The following OTULINL variants were observed in gnomAD, a reference collection of about 807,000 sequenced individuals.
The protein encoded by OTULINL is inactive ubiquitin thioesterase OTULINL.
In OTULINL, 42 loss-of-function variants were observed where a neutral mutation model predicts 43.9. The ratio of observed to expected loss-of-function variants is 0.96; its 90% CI spans 0.75 to 1.24. The LOEUF (loss-of-function observed/expected upper bound fraction) is 1.24. Ranked by LOEUF, OTULINL falls within the 50% of genes most tolerant of loss-of-function variation. The probability of loss-of-function intolerance (pLI) is 0.00; values close to 1 mark genes in which losing one functional copy is unlikely to be tolerated. For missense variants in OTULINL, 411 were observed against 426.4 expected (o/e 0.96, Z 0.32); for synonymous variants, 172 against 153.6 (o/e 1.12, Z -0.88).
intron 1 of OTULINL, among the ~76,000 whole-genome samples, chr5:14,591,318 T>A (rs7705408): frequency 1.3e-5 from 2 of 152,210 alleles, no homozygotes; most frequent in African/African-American, 4.8e-5. Context: ...ATTAAAAATA[T>A]ATTTTTCTAA....
At chr5:14,591,477 T>C (rs1759200765) in intron 1 of OTULINL, among the ~76,000 whole-genome samples, 1 of 152,120 alleles carries the variant, frequency 6.6e-6, no homozygotes, top group Non-Finnish European at 1.5e-5. Flanking sequence ...CGGGCAGGTC[T>C]GTGGGGTGAA....
intron 5 of OTULINL, among the ~76,000 whole-genome samples, chr5:14,606,585 A>C (rs1462083039): frequency 6.6e-6 from 1 of 152,182 alleles, no homozygotes; most frequent in Non-Finnish European, 1.5e-5. Context: ...GTATGTTACA[A>C]TGGAGGATGA....
intron 1 of OTULINL, among the ~76,000 whole-genome samples, chr5:14,585,055 T>C (rs1472622072): frequency 6.6e-6 from 1 of 152,150 alleles, no homozygotes; most frequent in Admixed American, 6.5e-5. Context: ...CCGCATGCAC[T>C]GCCAAAAGTG....
Position 14,581,939 on chromosome 5 carries a change from G to T in OTULINL, c.45G>T (p.Arg15=). The change falls in exon 1 of 8, where the codon CGG becomes CGT. Residue 15 remains arginine (R), a synonymous_variant. Coordinates refer to ENST00000274217, the MANE Select transcript of OTULINL (RefSeq NM_019018.3). ...RSPTRARERE[R]SGAPAAGSDQ... ...CCACGCGGGCAAGGGAGCGGGAGCGGTCTGGCGCTCCCGCCGCAGGTGAGC... is the reference window on the plus strand; with the variant it reads ...CCACGCGGGCAAGGGAGCGGGAGCGTTCTGGCGCTCCCGCCGCAGGTGAGC... 3 of 1,374,064 alleles carry T rather than the reference G, an allele frequency of 2.2e-6. No homozygotes were observed. The highest frequency in any genetic ancestry group is 2.8e-6 in the Non-Finnish European group (3 of 1,064,594). The allele number at this position is 1,374,064 out of a possible 1,614,324, so 85.1% of individuals were successfully genotyped here.
At chr5:14,590,962 C>T (rs1430438606) in intron 1 of OTULINL, among the ~76,000 whole-genome samples, 2 of 152,096 alleles carry the variant, frequency 1.3e-5, no homozygotes, top group African/African-American at 4.8e-5. Flanking sequence ...ATGATACATC[C>T]ATCGAATGTT....
chr5:14,593,423 T>G (rs1209126478), intron 1 of OTULINL, among the ~76,000 whole-genome samples: 1 of 152,216 alleles, frequency 6.6e-6, no homozygotes, highest in Non-Finnish European at 1.5e-5. Flanking sequence ...TGATTAGTCC[T>G]CTAGCTAGAA....
chr5:14,597,292 C>T (rs1386951768), intron 1 of OTULINL, among the ~76,000 whole-genome samples: 2 of 152,266 alleles, frequency 1.3e-5, no homozygotes, highest in Admixed American at 6.5e-5. Context: ...TGTTGTGATG[C>T]AGTGATGATA....
rs1759085852 is a variant in OTULINL, at chr5:14,585,203, ACTAGCAG to A, written c.64+3248_64+3254del. 2.0e-5 allele frequency among the ~76,000 whole-genome samples: 3 copies of A among 150,808 alleles called. No homozygotes were observed. In the South Asian group the frequency reaches 6.3e-4, roughly 31 times the overall value. Reference sequence around the variant, plus strand: ...AGAGGCCTGAGAGCTGCTAGTTACAACTAGCAGCTGCTAGTTGTAACTGTCGAGAGAA... The same window carrying A: ...AGAGGCCTGAGAGCTGCTAGTTACAACTGCTAGTTGTAACTGTCGAGAGAA... On this transcript the variant is annotated intron_variant, in intron 1 of 7. Coordinates refer to ENST00000274217, the MANE Select transcript of OTULINL (RefSeq NM_019018.3).
intron 1 of OTULINL, 71 bp downstream of exon 1, chr5:14,582,029 G>A: frequency 9.0e-7 from 1 of 1,106,598 alleles, no homozygotes; most frequent in Non-Finnish European, 1.1e-6. Flanking sequence ...GGGGTCGCAG[G>A]CAGCCAGGGA....
At chr5:14,610,035 C>T in intron 7 of OTULINL, 106 bp from the exon 8 acceptor site, 1 of 964,316 alleles carries the variant, frequency 1.0e-6, no homozygotes. Flanking sequence ...GGTCTGTCAA[C>T]AAGCAGATTA....
At chr5:14,605,114 A>T (rs1759451596) in intron 5 of OTULINL, among the ~76,000 whole-genome samples, 1 of 152,176 alleles carries the variant, frequency 6.6e-6, no homozygotes, top group East Asian at 1.9e-4. Flanking sequence ...CTGCCTGGAC[A>T]TCAAGGCATT....
At chr5:14,604,107 G>GATACTCCC (rs1759433498) in intron 5 of OTULINL, among the ~76,000 whole-genome samples, 2 of 152,130 alleles carry the variant, frequency 1.3e-5, no homozygotes, top group African/African-American at 2.4e-5. Context: ...CAAGTTGGGA[G>GATACTCCC]TATCTCTGGA....
chr5:14,614,726 G>C lies in OTULINL; in HGVS notation c.*4412G>C, dbSNP rs552338510. 2.5e-6 allele frequency: 1 copy of C among 398,676 alleles called. No individual in the cohort carries two copies. The highest frequency in any genetic ancestry group is 4.4e-5 in the Admixed American group (1 of 22,730). The allele number at this position is 398,676 out of a possible 1,614,324, so 24.7% of individuals were successfully genotyped here. On this transcript the variant is annotated 3_prime_UTR_variant, in exon 8 of 8. Transcript: ENST00000274217. ...TTGGAGGAGACTCAAGCTCCATGTG[G>C]GAACAGTGTGGCCCAAGAGCCAGCA...
At chr5:14,598,409 G>A (rs1400177639) in intron 1 of OTULINL, among the ~76,000 whole-genome samples, 1 of 152,218 alleles carries the variant, frequency 6.6e-6, no homozygotes, top group East Asian at 1.9e-4. Flanking sequence ...AGGTGCTCTC[G>A]TGTATGTGAT....
chr5:14,607,834 G>A (rs1032779306), intron 6 of OTULINL, among the ~76,000 whole-genome samples: 3 of 152,172 alleles, frequency 2.0e-5, no homozygotes, highest in African/African-American at 7.2e-5. Flanking sequence ...GTAATAATTT[G>A]ACTAAGACTT....
chr5:14,598,246 C>T (rs1273520631), intron 1 of OTULINL, among the ~76,000 whole-genome samples: 3 of 152,224 alleles, frequency 2.0e-5, no homozygotes, highest in African/African-American at 7.2e-5. Flanking sequence ...CACATCCACC[C>T]ACAAGTGAGC....
At chr5:14,600,182 AGATCT>A (rs1463432442) in intron 1 of OTULINL, among the ~76,000 whole-genome samples, 8 of 152,122 alleles carry the variant, frequency 5.3e-5, no homozygotes, top group Non-Finnish European at 1.0e-4. Flanking sequence ...AGTTCTCACG[AGATCT>A]GATGGGTTTT....
chr5:14,597,299 G>A lies in OTULINL; in HGVS notation c.65-3666G>A, dbSNP rs376608014. 8.5e-5 allele frequency among the ~76,000 whole-genome samples: 13 copies of A among 152,290 alleles called. No homozygotes were observed. The East Asian group carries it at 1.2e-3, about 14-fold the overall frequency. On this transcript the variant is annotated intron_variant, in intron 1 of 7. Coordinates refer to ENST00000274217, the MANE Select transcript of OTULINL (RefSeq NM_019018.3). ...GCCTCCTGTGTTGTGATGCAGTGATGATAGTAAGAGTGACCATGCACTGAG... is the reference window on the plus strand; with the variant it reads ...GCCTCCTGTGTTGTGATGCAGTGATAATAGTAAGAGTGACCATGCACTGAG...
chr5:14,596,494 C>T (rs187795065), intron 1 of OTULINL, among the ~76,000 whole-genome samples: 13 of 152,284 alleles, frequency 8.5e-5, no homozygotes, highest in Admixed American at 7.2e-4. Flanking sequence ...GTGTTTTCTT[C>T]TGTATCATTT....
Sources: allele counts gnomAD v4.1 joint callset (sites outside exome capture counted in the v4.1 genomes callset), GRCh38; gene constraint gnomAD v4.1.1; transcripts MANE v1.5; gene names NCBI Gene and HGNC (gene_info 2026-07-23, HGNC 2026-07-21).